The following SH3GL3 variants were observed in gnomAD, a reference collection of about 807,000 sequenced individuals.
SH3GL3 encodes SH3 domain containing GRB2 like 3, endophilin A3, also known as endophilin-A3.
In SH3GL3, 33 loss-of-function variants were observed where a neutral mutation model predicts 47.7. That is an observed-to-expected ratio of 0.69 (90% CI 0.52 to 0.92). The LOEUF is 0.92. SH3GL3 is among the 40% of genes least tolerant of loss of function. The probability of loss-of-function intolerance (pLI) is 0.00; values close to 1 mark genes in which losing one functional copy is unlikely to be tolerated. For missense variants in SH3GL3, 363 were observed against 417.8 expected, an observed-to-expected ratio of 0.87 and a Z score of 1.14; for synonymous variants, 155 against 148.8, an observed-to-expected ratio of 1.04 and a Z score of -0.30.
intron 1 of SH3GL3, among the ~76,000 whole-genome samples, chr15:83,494,509 A>T (rs1418412672): frequency 6.6e-6 from 1 of 151,114 alleles, no homozygotes; most frequent in Non-Finnish European, 1.5e-5. Flanking sequence ...GTCATGGTTA[A>T]GTTTTAAAAC....
chr15:83,582,813 T>C (rs1428503380), intron 6 of SH3GL3, among the ~76,000 whole-genome samples: 1 of 152,200 alleles, frequency 6.6e-6, no homozygotes, highest in Non-Finnish European at 1.5e-5. Context: ...TCAGGCAAAT[T>C]AACAACTGCA....
At chr15:83,608,279 A>AGT (rs2060580471) in intron 8 of SH3GL3, among the ~76,000 whole-genome samples, 1 of 152,202 alleles carries the variant, frequency 6.6e-6, no homozygotes, top group African/African-American at 2.4e-5. Context: ...AGTAGTGCAC[A>AGT]ACTTAACCCT....
intron 1 of SH3GL3, among the ~76,000 whole-genome samples, chr15:83,557,583 C>T (rs1566984380): frequency 6.6e-6 from 1 of 152,230 alleles, no homozygotes; most frequent in South Asian, 2.1e-4. Context: ...GGGTCTCTCA[C>T]GTTACTGCAG....
the SH3GL3 span, among the ~76,000 whole-genome samples, chr15:83,632,526 T>C: frequency 6.6e-6 from 1 of 152,132 alleles, no homozygotes; most frequent in Non-Finnish European, 1.5e-5. Flanking sequence ...AGGAAAGAGG[T>C]TTAGTTGACT....
intron 1 of SH3GL3, among the ~76,000 whole-genome samples, chr15:83,504,116 T>A (rs1409034410): frequency 6.6e-6 from 1 of 152,238 alleles, no homozygotes; most frequent in African/African-American, 2.4e-5. Flanking sequence ...TGTTAGTCAT[T>A]TGAAATTTAA....
At chr15:83,574,702 T>C (rs2059627965) in intron 5 of SH3GL3, among the ~76,000 whole-genome samples, 1 of 152,150 alleles carries the variant, frequency 6.6e-6, no homozygotes, top group Non-Finnish European at 1.5e-5. Flanking sequence ...CTTTCCTCTG[T>C]GGCCTTATTG....
At chr15:83,569,053 G>A (rs759844694) in intron 4 of SH3GL3, among the ~76,000 whole-genome samples, 5 of 151,966 alleles carry the variant, frequency 3.3e-5, no homozygotes, top group Non-Finnish European at 5.9e-5. Context: ...AAGCCACCAT[G>A]CCTGACTAAT....
downstream of SH3GL3, among the ~76,000 whole-genome samples, chr15:83,619,764 G>T (rs1339915438): frequency 6.6e-6 from 1 of 152,186 alleles, no homozygotes; most frequent in African/African-American, 2.4e-5. Flanking sequence ...GATCAGGGTG[G>T]GGTTGCTGAA....
At position 83,532,871 on chromosome 15, in the gene SH3GL3, C is replaced by T. The variant is rs543685086; in HGVS notation, c.46-26382C>T. On this transcript the variant is annotated intron_variant, in intron 1 of 8. Transcript: ENST00000427482. ...GGGAGGAAGAGTGGCATCTTCAAAT[C>T]AGGAAACCAGTAATTTCCAAGAAAT... Among the ~76,000 whole-genome samples, 4 of 152,276 alleles carry T rather than the reference C, an allele frequency of 2.6e-5. No homozygotes were observed. The South Asian group carries it at 6.2e-4, about 24-fold the overall frequency.
At chr15:83,503,760 GA>G (rs1029495867) in intron 1 of SH3GL3, among the ~76,000 whole-genome samples, 1 of 152,006 alleles carries the variant, frequency 6.6e-6, no homozygotes, top group Admixed American at 6.5e-5. Flanking sequence ...ATTTCCTAGG[GA>G]AAAAAAGTAA....
At chr15:83,482,900 T>G (rs1407769365) in intron 1 of SH3GL3, among the ~76,000 whole-genome samples, 2 of 152,208 alleles carry the variant, frequency 1.3e-5, no homozygotes, top group African/African-American at 4.8e-5. Flanking sequence ...ATTTTTAATG[T>G]GAACAGTTCC....
chr15:83,481,097 G>A (rs537593613), intron 1 of SH3GL3, among the ~76,000 whole-genome samples: 14 of 152,180 alleles, frequency 9.2e-5, no homozygotes, highest in Admixed American at 2.6e-4. Context: ...CCAACATGGC[G>A]AAACTTCCTC....
intron 1 of SH3GL3, among the ~76,000 whole-genome samples, chr15:83,531,321 G>A (rs756407172): frequency 2.0e-5 from 3 of 152,206 alleles, no homozygotes; most frequent in African/African-American, 2.4e-5. Context: ...AATGTATTCA[G>A]GAGATCTGCA....
chr15:83,545,962 T>C (rs1232835443), intron 1 of SH3GL3, among the ~76,000 whole-genome samples: 2 of 152,188 alleles, frequency 1.3e-5, no homozygotes, highest in South Asian at 2.1e-4. Context: ...ACTGCTGAGA[T>C]TGTGCTGTGT....
intron 8 of SH3GL3, among the ~76,000 whole-genome samples, chr15:83,604,754 A>G: frequency 6.6e-6 from 1 of 152,174 alleles, no homozygotes; most frequent in Non-Finnish European, 1.5e-5. Flanking sequence ...AGAGGCTCTG[A>G]GAGGTTAAGT....
chr15:83,609,542 C>G (rs2060610518), intron 8 of SH3GL3: 1 of 322,334 alleles, frequency 3.1e-6, no homozygotes, highest in Admixed American at 3.9e-5. Context: ...TGAATTACTT[C>G]TCTCTCCATC....
At chr15:83,599,218 GT>G (rs1311874025) in intron 8 of SH3GL3, among the ~76,000 whole-genome samples, 3 of 151,708 alleles carry the variant, frequency 2.0e-5, no homozygotes, top group African/African-American at 4.8e-5. Context: ...TTTTCCTTAG[GT>G]TTTTGAGGAA....
chr15:83,630,224 CAG>C, the SH3GL3 span, among the ~76,000 whole-genome samples: 19 of 152,232 alleles, frequency 1.2e-4, 1 homozygote, highest in South Asian at 3.7e-3. Context: ...TGCCCAGTCT[CAG>C]GTATGTCTTT....
In SH3GL3 at chr15:83,559,254, T is replaced by A. The variant is rs2045123872; in HGVS notation, c.47T>A (p.Leu16Gln). Residue 16 changes from leucine (L) to glutamine (Q), a missense_variant and splice_region_variant, in exon 2 of 9, where the codon CTA (leucine) becomes CAA (glutamine). Leu to Gln is a moderately radical substitution (Grantham distance 113). Coordinates refer to ENST00000427482, the MANE Select transcript of SH3GL3 (RefSeq NM_003027.5). ...AATTATTTATGTTTATTTCTGCAGCTATTTAGTGAAAAAATAAGTGGTGCT... is the reference window on the plus strand; with the variant it reads ...AATTATTTATGTTTATTTCTGCAGCAATTTAGTGAAAAAATAAGTGGTGCT... Reference protein sequence around the residue: ...LKKQFHKASQLFSEKISGAEG... With the variant: ...LKKQFHKASQQFSEKISGAEG... 6.6e-7 allele frequency: 1 copy of A among 1,524,704 alleles called. No individual in the cohort carries two copies. The highest frequency in any genetic ancestry group is 1.7e-5 in the Admixed American group (1 of 59,872). The allele number at this position is 1,524,704 out of a possible 1,614,324, so 94.4% of individuals were successfully genotyped here.
Sources: allele counts gnomAD v4.1 joint callset (sites outside exome capture counted in the v4.1 genomes callset), GRCh38; gene constraint gnomAD v4.1.1; transcripts MANE v1.5; gene names NCBI Gene and HGNC (gene_info 2026-07-23, HGNC 2026-07-21).